The following SETD3 variants were observed in gnomAD, a reference collection of about 807,000 sequenced individuals.
The protein encoded by SETD3 is actin-histidine N-methyltransferase.
SETD3 carries 19 observed loss-of-function variants against 63.0 expected under a neutral mutation model. The observed-to-expected ratio is 0.30, with a 90% CI of 0.21 to 0.44. SETD3 has a LOEUF of 0.44. SETD3 is among the 20% of genes least tolerant of loss of function. SETD3 has a pLI of 1.00. For synonymous variants in SETD3, 286 were observed against 264.1 expected (o/e 1.08, Z -0.80); for missense variants, 587 against 728.5 (o/e 0.81, Z 2.24).
chr14:99,444,629 C>T (rs545999606), intron 6 of SETD3, among the ~76,000 whole-genome samples: 3 of 152,172 alleles, frequency 2.0e-5, no homozygotes, highest in Middle Eastern at 3.4e-3. Flanking sequence ...GAGGCCGAGG[C>T]GGGTGGATCG....
chr14:99,435,346 A>C (rs939210581), intron 6 of SETD3, among the ~76,000 whole-genome samples: 2 of 152,204 alleles, frequency 1.3e-5, no homozygotes, highest in African/African-American at 4.8e-5. Flanking sequence ...AGTTAATCCT[A>C]TGCTGACTGA....
At position 99,400,171 on chromosome 14, in the gene SETD3, G is replaced by C; in HGVS notation, c.1266C>G (p.Asn422Lys). 6.2e-7 allele frequency: 1 copy of C among 1,614,076 alleles called. No homozygotes were observed. Among genetic ancestry groups the C allele is most frequent in the Non-Finnish European group, 8.5e-7 (1 of 1,179,996 alleles). Residue 422 changes from asparagine (N) to lysine (K), a missense_variant, in exon 12 of 13, where the codon AAC (asparagine) becomes AAG (lysine). Physicochemically the swap from Asn to Lys is moderately conservative, Grantham distance 94. Transcript: ENST00000331768. ...CAAGAAATGTCCAAAGTTTGACCTC[G>C]TTGTCCCAGCTAACAGGAAATTCCG... Reference protein sequence around the residue: ...GNSEFPVSWDNEVKLWTFLED... With the variant: ...GNSEFPVSWDKEVKLWTFLED...
intron 6 of SETD3, among the ~76,000 whole-genome samples, chr14:99,442,033 G>A (rs1893849136): frequency 6.6e-6 from 1 of 152,176 alleles, no homozygotes; most frequent in Non-Finnish European, 1.5e-5. Flanking sequence ...CAAAACTCAT[G>A]ACCTCTGGTG....
chr14:99,444,926 G>T (rs149640824), intron 6 of SETD3, among the ~76,000 whole-genome samples: 1 of 151,824 alleles, frequency 6.6e-6, no homozygotes, highest in African/African-American at 2.4e-5. Flanking sequence ...TTGAAAAAAC[G>T]TAAAAATAAG....
chr14:99,416,554 T>A (rs1892301426), intron 6 of SETD3, among the ~76,000 whole-genome samples: 1 of 152,146 alleles, frequency 6.6e-6, no homozygotes, highest in Admixed American at 6.5e-5. Flanking sequence ...TAACTGTAGA[T>A]TCCAAGACAC....
At chr14:99,414,742 C>T (rs546895100) in intron 6 of SETD3, among the ~76,000 whole-genome samples, 34 of 152,256 alleles carry the variant, frequency 2.2e-4, no homozygotes, top group African/African-American at 7.5e-4. Flanking sequence ...AAATTAAAAG[C>T]TGTAATAGTA....
At chr14:99,403,833 C>A (rs1381162366) in intron 11 of SETD3, among the ~76,000 whole-genome samples, 2 of 152,184 alleles carry the variant, frequency 1.3e-5, no homozygotes, top group Non-Finnish European at 2.9e-5. Flanking sequence ...TATGCCACAG[C>A]TGACTACACA....
chr14:99,435,063 A>C (rs1379402166), intron 6 of SETD3, among the ~76,000 whole-genome samples: 2 of 152,110 alleles, frequency 1.3e-5, no homozygotes, highest in Admixed American at 6.6e-5. Flanking sequence ...TTAAAAAATT[A>C]ACAAAGTAGT....
intron 6 of SETD3, among the ~76,000 whole-genome samples, chr14:99,417,759 G>A (rs1452350436): frequency 6.6e-6 from 1 of 152,070 alleles, no homozygotes; most frequent in African/African-American, 2.4e-5. Flanking sequence ...TTTGCGTTAA[G>A]GTTTTTTTGT....
chr14:99,480,264 G>C (rs943391129), intron 1 of SETD3, among the ~76,000 whole-genome samples: 1 of 152,062 alleles, frequency 6.6e-6, no homozygotes, highest in Non-Finnish European at 1.5e-5. Context: ...GAAGGAAATG[G>C]GAGCGCGACC....
intron 8 of SETD3, among the ~76,000 whole-genome samples, chr14:99,407,950 A>G (rs889993249): frequency 1.1e-4 from 16 of 152,202 alleles, no homozygotes; most frequent in African/African-American, 3.9e-4. Flanking sequence ...CCCAGCTTCT[A>G]TTAAAACCTC....
intron 3 of SETD3, among the ~76,000 whole-genome samples, chr14:99,462,032 C>T (rs1229655150): frequency 6.6e-6 from 1 of 151,930 alleles, no homozygotes; most frequent in Non-Finnish European, 1.5e-5. Context: ...AGATGAACAC[C>T]CTGCAAGGAG....
rs1566869064 is a variant in SETD3 at position 99,399,741 on chromosome 14, A to AATTTTTTTTTTTTTTTTTTTTT, written c.1338+357_1338+358insAAAAAAAAAAAAAAAAAAAAAT. Reference sequence around the variant, plus strand: ...GAATTAACAAGAAATCTTTCATTAAATTTTTTTTTTTTTTTTTTTTTTTTT... The same window carrying AATTTTTTTTTTTTTTTTTTTTT: ...GAATTAACAAGAAATCTTTCATTAAAATTTTTTTTTTTTTTTTTTTTTTTTTTTTTTTTTTTTTTTTTTTTTT... On this transcript the variant is annotated intron_variant, in intron 12 of 12. Coordinates refer to ENST00000331768, the MANE Select transcript of SETD3 (RefSeq NM_032233.3). 1.6e-5 allele frequency among the ~76,000 whole-genome samples: 2 copies of AATTTTTTTTTTTTTTTTTTTTT among 127,728 alleles called. 1 individual carries two copies. 83.8% of individuals were successfully genotyped at this position (127,728 alleles called of 152,430 possible).
chr14:99,432,099 A>T (rs184383591), intron 6 of SETD3, among the ~76,000 whole-genome samples: 1 of 152,176 alleles, frequency 6.6e-6, no homozygotes, highest in African/African-American at 2.4e-5. Flanking sequence ...TACTTTACTA[A>T]GATTCGTATA....
At chr14:99,482,725 A>G (rs1358985040), upstream of SETD3, among the ~76,000 whole-genome samples, 2 of 152,232 alleles carry the variant, frequency 1.3e-5, no homozygotes, top group Non-Finnish European at 2.9e-5. Context: ...AATAAAAACT[A>G]TTCGAGTTGT....
chr14:99,484,885 T>C (rs1264909559), upstream of SETD3, among the ~76,000 whole-genome samples: 2 of 152,240 alleles, frequency 1.3e-5, no homozygotes, highest in Non-Finnish European at 2.9e-5. Context: ...TAAAATGATA[T>C]TTATGAAGCA....
rs745745615 is a variant in SETD3 at position 99,398,763 on chromosome 14, A to G, written c.1701T>C (p.Asn567=). Residue 567 remains asparagine, a synonymous_variant, in exon 13 of 13, where the codon AAT becomes AAC. Transcript: ENST00000331768. Reference sequence around the variant, plus strand: ...TTTTACTTTCTTGATTGAGACTTTCATTTTCGGACCTGGTCCCATTAGGGA... The same window carrying G: ...TTTTACTTTCTTGATTGAGACTTTCGTTTTCGGACCTGGTCCCATTAGGGA... ...NSIPNGTRSE[N]ESLNQESKRA... is the part of the protein sequence containing the mutation. 4.3e-6 allele frequency: 7 copies of G among 1,613,952 alleles called. No homozygotes were observed. The East Asian group carries it at 1.6e-4, about 36-fold the overall frequency.
chr14:99,466,342 TG>T (rs1237067183), intron 1 of SETD3, among the ~76,000 whole-genome samples: 1 of 152,204 alleles, frequency 6.6e-6, no homozygotes, highest in Non-Finnish European at 1.5e-5. Context: ...TTTTGCTCCA[TG>T]GGAAATCCCA....
intron 3 of SETD3, among the ~76,000 whole-genome samples, chr14:99,463,063 A>C (rs1895162732): frequency 6.6e-6 from 1 of 152,208 alleles, no homozygotes; most frequent in Non-Finnish European, 1.5e-5. Flanking sequence ...GAATATGACC[A>C]CACCTCTTAT....
Sources: gnomAD v4.1 joint callset for allele counts (sites outside exome capture counted in the v4.1 genomes callset) on GRCh38, gnomAD v4.1.1 for gene constraint, MANE v1.5 for transcripts, NCBI Gene and HGNC (gene_info 2026-07-23, HGNC 2026-07-21) for gene names.